MSRA: variants seen among roughly 807,000 people sequenced by gnomAD.
MSRA encodes methionine sulfoxide reductase A, also known as mitochondrial peptide methionine sulfoxide reductase.
Under a neutral mutation model 31.3 loss-of-function variants are expected in MSRA, and 54 were observed. The observed-to-expected ratio is 1.73, with a 90% CI of 1.39 to 2.17. The LOEUF is 2.17. Ranked by LOEUF, MSRA falls within the 30% of genes most tolerant of loss-of-function variation. The probability of loss-of-function intolerance (pLI) is 0.00; values close to 1 mark genes in which losing one functional copy is unlikely to be tolerated. For missense variants in MSRA, 507 were observed against 300.9 expected (o/e 1.69, Z -5.07); for synonymous variants, 169 against 116.5 (o/e 1.45, Z -2.90).
At chr8:10,379,029 G>A (rs1380828203) in intron 5 of MSRA, among the ~76,000 whole-genome samples, 1 of 152,092 alleles carries the variant, frequency 6.6e-6, no homozygotes, top group Non-Finnish European at 1.5e-5. Context: ...TGCTTATGTT[G>A]GACTTTTTTT....
At chr8:10,262,492 C>T (rs1214137961) in intron 3 of MSRA, among the ~76,000 whole-genome samples, 1 of 152,004 alleles carries the variant, frequency 6.6e-6, no homozygotes, top group African/African-American at 2.4e-5. Flanking sequence ...AGTATGTTTT[C>T]TTATGCTTAT....
At chr8:10,158,019 G>T (rs1804303606) in intron 1 of MSRA, among the ~76,000 whole-genome samples, 1 of 152,172 alleles carries the variant, frequency 6.6e-6, no homozygotes, top group African/African-American at 2.4e-5. Flanking sequence ...GAAAGTCCAA[G>T]ATCAAGGAGC....
At chr8:10,182,725 C>G (rs1012859530) in intron 1 of MSRA, among the ~76,000 whole-genome samples, 1 of 152,130 alleles carries the variant, frequency 6.6e-6, no homozygotes, top group Non-Finnish European at 1.5e-5. Flanking sequence ...CCTTGCTGGC[C>G]ATCGCCTGGA....
intron 1 of MSRA, among the ~76,000 whole-genome samples, chr8:10,070,194 A>G (rs374928225): frequency 3.9e-5 from 6 of 152,188 alleles, no homozygotes; most frequent in African/African-American, 1.4e-4. Context: ...GGGAGCAAAA[A>G]TGTCCTATGG....
chr8:10,402,463 G>GA (rs1191531118), intron 5 of MSRA, among the ~76,000 whole-genome samples: 2 of 152,204 alleles, frequency 1.3e-5, no homozygotes, highest in Non-Finnish European at 2.9e-5. Flanking sequence ...GTTTTCCCTG[G>GA]AGAGGGGAGC....
Position 10,168,474 on chromosome 8 carries a change from TAATAA to T in MSRA, c.143-39355_143-39351del, listed in dbSNP as rs1372725153. Among the ~76,000 whole-genome samples, 18 of 152,316 alleles carry T rather than the reference TAATAA, an allele frequency of 1.2e-4. No homozygotes were observed. The East Asian group carries it at 3.5e-3, about 29-fold the overall frequency. On this transcript the variant is annotated intron_variant, in intron 1 of 5. Transcript: ENST00000317173. ...GGCAGCCTGGCACACAAATAATTTT[TAATAA>T]AATTTTAGTGTATAAATGTGGTTTT...
intron 5 of MSRA, among the ~76,000 whole-genome samples, chr8:10,405,772 T>C (rs73197281): frequency 2.0e-4 from 10 of 50,000 alleles, no homozygotes; most frequent in Admixed American, 7.9e-4. Flanking sequence ...CACACACACC[T>C]ATGTGCTCAC....
chr8:10,277,673 A>G (rs913173572), intron 3 of MSRA, among the ~76,000 whole-genome samples: 6 of 152,200 alleles, frequency 3.9e-5, no homozygotes, highest in African/African-American at 1.4e-4. Context: ...ATGTCATTGT[A>G]TATACTTAAT....
chr8:10,220,884 C>T (rs552228563), intron 2 of MSRA, among the ~76,000 whole-genome samples: 436 of 152,284 alleles, frequency 2.9e-3, no homozygotes, highest in Non-Finnish European at 4.5e-3. Flanking sequence ...TGGGGAGGGT[C>T]GTCTGGGGAA....
intron 3 of MSRA, among the ~76,000 whole-genome samples, chr8:10,253,208 C>G (rs1378757787): frequency 1.3e-5 from 2 of 152,158 alleles, no homozygotes; most frequent in Non-Finnish European, 2.9e-5. Context: ...GCTAAAGACT[C>G]CAATAATGTC....
intron 5 of MSRA, among the ~76,000 whole-genome samples, chr8:10,403,327 A>G (rs12547997): frequency 0.3 from 45,431 of 152,042 alleles, 7,621 homozygotes; most frequent in Non-Finnish European, 0.38. Flanking sequence ...CCAACGAGAA[A>G]AAGCCCTGTC....
At chr8:10,309,330 C>T (rs927077454) in intron 4 of MSRA, among the ~76,000 whole-genome samples, 2 of 152,268 alleles carry the variant, frequency 1.3e-5, no homozygotes, top group Non-Finnish European at 2.9e-5. Flanking sequence ...GCCTGCCGTG[C>T]AGAGCGTGGC....
chr8:10,101,565 C>A (rs1799531782), intron 1 of MSRA, among the ~76,000 whole-genome samples: 3 of 152,118 alleles, frequency 2.0e-5, no homozygotes, highest in Admixed American at 2.0e-4. Flanking sequence ...AGAATCGTGG[C>A]AACCTTGATT....
intron 5 of MSRA, among the ~76,000 whole-genome samples, chr8:10,350,861 C>G (rs1366197424): frequency 3.9e-5 from 6 of 152,264 alleles, no homozygotes; most frequent in Non-Finnish European, 7.3e-5. Flanking sequence ...TCCCAGCCCT[C>G]TGCCTAGTCA....
At chr8:10,216,248 T>G (rs1278088473) in intron 2 of MSRA, among the ~76,000 whole-genome samples, 1 of 152,178 alleles carries the variant, frequency 6.6e-6, no homozygotes, top group African/African-American at 2.4e-5. Flanking sequence ...TAGGTAAATA[T>G]TAGGCCAAAG....
At chr8:10,419,007 C>T (rs142763416) in intron 5 of MSRA, among the ~76,000 whole-genome samples, 65 of 151,900 alleles carry the variant, frequency 4.3e-4, no homozygotes, top group African/African-American at 1.5e-3. Context: ...CCTACTAAGG[C>T]GGGAGGTGAA....
chr8:10,201,976 C>A (rs1254805858), intron 1 of MSRA, among the ~76,000 whole-genome samples: 1 of 152,254 alleles, frequency 6.6e-6, no homozygotes, highest in African/African-American at 2.4e-5. Flanking sequence ...ACCCACTCTG[C>A]TATGGCTGGG....
At chr8:10,216,171 G>GATTCCA (rs1297246384) in intron 2 of MSRA, among the ~76,000 whole-genome samples, 2 of 152,092 alleles carry the variant, frequency 1.3e-5, no homozygotes, top group Admixed American at 6.5e-5. Flanking sequence ...CTTGGGACTT[G>GATTCCA]TTATAAAATG....
chr8:10,066,439 G>A (rs1371550696), intron 1 of MSRA, among the ~76,000 whole-genome samples: 1 of 152,126 alleles, frequency 6.6e-6, no homozygotes, highest in Admixed American at 6.5e-5. Context: ...ACGCACAATT[G>A]TTGGTTTTTT....
Sources: allele counts gnomAD v4.1 joint callset (sites outside exome capture counted in the v4.1 genomes callset), GRCh38; gene constraint gnomAD v4.1.1; transcripts MANE v1.5; gene names NCBI Gene and HGNC (gene_info 2026-07-23, HGNC 2026-07-21).